Variants in ERC2 observed in about 807,000 individuals in gnomAD.
ERC2 encodes ERC protein 2.
In ERC2, 42 loss-of-function variants were observed where a neutral mutation model predicts 114.8. The ratio of observed to expected loss-of-function variants is 0.37; its 90% CI spans 0.29 to 0.47. ERC2 has a LOEUF of 0.47. ERC2 is among the 20% of genes least tolerant of loss of function. The pLI is 0.99. For synonymous variants in ERC2, 454 were observed against 425.5 expected, an observed-to-expected ratio of 1.07 and a Z score of -0.82; for missense variants, 939 against 1,150.7, an observed-to-expected ratio of 0.82 and a Z score of 2.66.
rs192213985 is a variant in ERC2, at chr3:56,446,805, G to T, written c.-140-11658C>A. ...CACACCCGGCTAATTTTTGTATTTT[G>T]GGGTAGGGACAGAGTTTCACCATGT... is the stretch of plus-strand genomic sequence containing the variant. On this transcript the variant is annotated intron_variant, in intron 1 of 17. Coordinates refer to ENST00000288221, the MANE Select transcript of ERC2 (RefSeq NM_015576.3). Among the ~76,000 whole-genome samples, 25 of 150,562 alleles carry T rather than the reference G, an allele frequency of 1.7e-4. No homozygotes were observed. In the East Asian group the frequency reaches 4.7e-3, roughly 28 times the overall value.
chr3:55,651,307 C>T (rs918761500), intron 17 of ERC2, among the ~76,000 whole-genome samples: 1 of 152,098 alleles, frequency 6.6e-6, no homozygotes, highest in Non-Finnish European at 1.5e-5. Flanking sequence ...AGGAATTGCT[C>T]GTCTAGAACC....
At chr3:55,805,549 G>A (rs1408318897) in intron 14 of ERC2, among the ~76,000 whole-genome samples, 1 of 151,590 alleles carries the variant, frequency 6.6e-6, no homozygotes, top group African/African-American at 2.4e-5. Context: ...GCAGAAGACT[G>A]AGGACAGTAC....
At chr3:56,162,096 G>T (rs1331833822) in intron 4 of ERC2, among the ~76,000 whole-genome samples, 2 of 152,122 alleles carry the variant, frequency 1.3e-5, no homozygotes, top group South Asian at 2.1e-4. Flanking sequence ...ATCATGAAGG[G>T]ATGTTGGATT....
chr3:56,370,587 GT>G (rs1404693067), intron 2 of ERC2, among the ~76,000 whole-genome samples: 2 of 138,452 alleles, frequency 1.4e-5, no homozygotes, highest in Non-Finnish European at 3.1e-5. Context: ...TTTGGTGGGG[GT>G]TTTTTTGTTT....
intron 17 of ERC2, among the ~76,000 whole-genome samples, chr3:55,608,835 C>A (rs1474895510): frequency 2.0e-5 from 3 of 152,296 alleles, no homozygotes; most frequent in East Asian, 3.9e-4. Context: ...CCACACTGAC[C>A]TGAAACAGTG....
intron 3 of ERC2, among the ~76,000 whole-genome samples, chr3:56,211,545 A>G (rs1349141587): frequency 6.6e-6 from 1 of 152,150 alleles, no homozygotes; most frequent in Non-Finnish European, 1.5e-5. Flanking sequence ...TACAAATTCA[A>G]TGCAATTCCC....
chr3:56,189,400 T>C (rs1039644486), intron 3 of ERC2, among the ~76,000 whole-genome samples: 1 of 152,186 alleles, frequency 6.6e-6, no homozygotes, highest in African/African-American at 2.4e-5. Flanking sequence ...TCCTAAAATG[T>C]GGTGTCAAGA....
intron 15 of ERC2, among the ~76,000 whole-genome samples, chr3:55,715,080 C>T (rs1274728208): frequency 6.6e-6 from 1 of 152,116 alleles, no homozygotes; most frequent in Non-Finnish European, 1.5e-5. Flanking sequence ...CCTCCTTCCA[C>T]CTTAATCTTT....
chr3:56,046,955 T>C (rs1349394521), intron 7 of ERC2, among the ~76,000 whole-genome samples: 1 of 152,232 alleles, frequency 6.6e-6, no homozygotes, highest in Non-Finnish European at 1.5e-5. Flanking sequence ...CCAGATTCAT[T>C]CCGCTAGTGG....
intron 14 of ERC2, among the ~76,000 whole-genome samples, chr3:55,818,515 A>G (rs930462054): frequency 6.6e-6 from 1 of 152,220 alleles, no homozygotes; most frequent in Non-Finnish European, 1.5e-5. Context: ...TTCTTCTTTC[A>G]AAAGAAAAAC....
chr3:56,189,600 G>A (rs982358129), intron 3 of ERC2, among the ~76,000 whole-genome samples: 3 of 152,216 alleles, frequency 2.0e-5, no homozygotes, highest in African/African-American at 7.2e-5. Flanking sequence ...AAGGGGTTCT[G>A]TATCAAGGGG....
At chr3:55,708,615 GA>G (rs911352601) in intron 15 of ERC2, among the ~76,000 whole-genome samples, 59 of 152,168 alleles carry the variant, frequency 3.9e-4, no homozygotes, top group African/African-American at 1.4e-3. Flanking sequence ...GAGGGTCTCT[GA>G]AAAAAACTCC....
At chr3:56,167,415 A>G (rs994573878) in intron 4 of ERC2, among the ~76,000 whole-genome samples, 1 of 152,142 alleles carries the variant, frequency 6.6e-6, no homozygotes, top group Non-Finnish European at 1.5e-5. Flanking sequence ...TTAGTCAAAC[A>G]TGTAGAGTCA....
chr3:55,931,211 A>G (rs891318636), intron 13 of ERC2, among the ~76,000 whole-genome samples: 3 of 152,244 alleles, frequency 2.0e-5, no homozygotes, highest in Non-Finnish European at 4.4e-5. Flanking sequence ...TCAAGGATCT[A>G]GAACCTGAAA....
At chr3:56,069,244 G>A (rs560955378) in intron 7 of ERC2, among the ~76,000 whole-genome samples, 2 of 152,304 alleles carry the variant, frequency 1.3e-5, no homozygotes, top group South Asian at 4.1e-4. Context: ...CCACTTTAGT[G>A]GACCAGCAGC....
intron 13 of ERC2, among the ~76,000 whole-genome samples, chr3:55,895,856 C>T (rs997512110): frequency 3.3e-5 from 5 of 152,188 alleles, no homozygotes; most frequent in African/African-American, 1.2e-4. Flanking sequence ...AACAAATACC[C>T]TTCAAGTTCT....
chr3:55,844,626 C>G (rs764560451), intron 14 of ERC2, among the ~76,000 whole-genome samples: 10 of 152,122 alleles, frequency 6.6e-5, no homozygotes, highest in Non-Finnish European at 1.5e-4. Context: ...GGTGTGTTCA[C>G]TTTGTGAAAA....
intron 3 of ERC2, among the ~76,000 whole-genome samples, chr3:56,174,975 TAAA>T (rs3052701): frequency 9.4e-4 from 137 of 145,228 alleles, no homozygotes; most frequent in East Asian, 1.0e-3. Flanking sequence ...AGACTCTGTC[TAAA>T]AAAAAAAAAA....
intron 17 of ERC2, among the ~76,000 whole-genome samples, chr3:55,609,024 T>C (rs2058765580): frequency 6.6e-6 from 1 of 152,204 alleles, no homozygotes; most frequent in Admixed American, 6.5e-5. Flanking sequence ...TTGATTTTTT[T>C]ATAACCACTC....
Sources: allele counts gnomAD v4.1 joint callset (sites outside exome capture counted in the v4.1 genomes callset), GRCh38; gene constraint gnomAD v4.1.1; transcripts MANE v1.5; gene names NCBI Gene and HGNC (gene_info 2026-07-23, HGNC 2026-07-21).